ETS1: variants seen among roughly 807,000 people sequenced by gnomAD.
ETS1 encodes ETS proto-oncogene 1, transcription factor.
ETS1 carries 15 observed loss-of-function variants against 58.6 expected under a neutral mutation model. The ratio of observed to expected loss-of-function variants is 0.26; its 90% CI spans 0.17 to 0.39. ETS1 has a LOEUF of 0.39. Among genes scored for constraint, ETS1 ranks in the 10% least tolerant of loss-of-function variants. The pLI, the probability that ETS1 is intolerant of heterozygous loss-of-function variation, is 1.00. For missense variants in ETS1, 417 were observed against 610.5 expected (o/e 0.68, Z 3.34); for synonymous variants, 214 against 218.2 (o/e 0.98, Z 0.17).
rs1309973155 is a variant in ETS1 at position 128,459,774 on chromosome 11, T to C, written c.*2587A>G. On this transcript the variant is annotated 3_prime_UTR_variant, in exon 10 of 10. Transcript: ENST00000392668. Reference sequence around the variant, plus strand: ...CACTATCTACAAATCTTGAAAATGGTGGACTTAGAGAGAAAGGGAATTTTA... The same window carrying C: ...CACTATCTACAAATCTTGAAAATGGCGGACTTAGAGAGAAAGGGAATTTTA... 6.6e-6 allele frequency: 1 copy of C among 152,620 alleles called. No individual in the cohort carries two copies. Among genetic ancestry groups the C allele is most frequent in the East Asian group, 1.9e-4 (1 of 5,324 alleles). 9.5% of individuals were successfully genotyped at this position (152,620 alleles called of 1,614,324 possible). A position where few individuals can be genotyped will look rare whatever the true frequency, so the allele number is the denominator to read the frequency against.
In ETS1 at chr11:128,561,542, A is replaced by T. The variant is rs188185448; in HGVS notation, c.70-5107T>A. On this transcript the variant is annotated intron_variant, in intron 2 of 9. Coordinates refer to ENST00000392668, the MANE Select transcript of ETS1 (RefSeq NM_001143820.2). The stretch of plus-strand genomic sequence containing the variant: ...CCCATGTGGATGCCTCACTCACCTC[A>T]CTGTAGTCCAGTTCTGAAGAAAGAG... Among the ~76,000 whole-genome samples, 778 of 152,342 alleles carry T rather than the reference A, an allele frequency of 5.1e-3. 3 individuals carry two copies. The highest frequency in any genetic ancestry group is 0.024 in the Middle Eastern group (7 of 294).
chr11:128,489,062 T>C (rs1862720559), intron 5 of ETS1, among the ~76,000 whole-genome samples: 1 of 152,148 alleles, frequency 6.6e-6, no homozygotes, highest in Non-Finnish European at 1.5e-5. Flanking sequence ...GGTACAATCT[T>C]GCTGAAGATT....
chr11:128,551,047 T>C lies in ETS1; in HGVS notation c.214+5244A>G, dbSNP rs150138190. Reference sequence around the variant, plus strand: ...TACAACATCCCTAAAGCACACACACTCTCAGGACCGTTCTGTTCTGAAGAA... The same window carrying C: ...TACAACATCCCTAAAGCACACACACCCTCAGGACCGTTCTGTTCTGAAGAA... On this transcript the variant is annotated intron_variant, in intron 3 of 9. Coordinates refer to ENST00000392668, the MANE Select transcript of ETS1 (RefSeq NM_001143820.2). 2.1e-3 allele frequency among the ~76,000 whole-genome samples: 321 copies of C among 152,262 alleles called. 2 individuals carry two copies. The highest frequency in any genetic ancestry group is 7.3e-3 in the African/African-American group (305 of 41,538).
chr11:128,575,533 A>G (rs1469503728), intron 1 of ETS1, among the ~76,000 whole-genome samples: 1 of 152,232 alleles, frequency 6.6e-6, no homozygotes, highest in Admixed American at 6.5e-5. Context: ...GGTCCTGGGC[A>G]CTTGAAACAC....
chr11:128,480,324 G>C lies in ETS1; in HGVS notation c.990C>G (p.Phe330Leu), dbSNP rs145206378. The change falls in exon 8 of 10, where the codon TTC becomes TTG. Residue 330 changes from phenylalanine (F) to leucine (L), a missense_variant. This residue lies in a region of ETS1 where 139 missense variants were observed against 152.1 expected (regional missense o/e 0.91). Transcript: ENST00000392668. ...SLQRVPSYDS[F>L]DSEDYPAALP... ...GGGCAGCCGGATAGTCCTCTGAGTC[G>C]AAGCTGTCATAGGAGGGAACACGCT... 1 of 1,614,122 alleles carries C rather than the reference G, an allele frequency of 6.2e-7. No individual in the cohort carries two copies. Among genetic ancestry groups the C allele is most frequent in the Admixed American group, 1.7e-5 (1 of 60,018 alleles).
At chr11:128,584,811 T>C (rs1293249312) in intron 1 of ETS1, among the ~76,000 whole-genome samples, 7 of 147,668 alleles carry the variant, frequency 4.7e-5, no homozygotes, top group African/African-American at 1.8e-4. Context: ...TTTGCTCAAA[T>C]GCTAAATACT....
Position 128,571,272 on chromosome 11 carries a change from C to T in ETS1, c.69+1790G>A, listed in dbSNP as rs369430888. ...TCTACTAAAAATATAAAAAATTAGCCAGGCGTGGTGGCGGGCGCCTGTAGT... is the reference window on the plus strand; with the variant it reads ...TCTACTAAAAATATAAAAAATTAGCTAGGCGTGGTGGCGGGCGCCTGTAGT... On this transcript the variant is annotated intron_variant, in intron 2 of 9. Transcript: ENST00000392668. Among the ~76,000 whole-genome samples the T allele has an allele frequency of 1.3e-3, 192 of 151,972 alleles. 3 individuals are homozygous for T. Among genetic ancestry groups the T allele is most frequent in the South Asian group, 6.0e-3 (29 of 4,814 alleles).
chr11:128,540,184 G>T (rs1334197795), intron 3 of ETS1, among the ~76,000 whole-genome samples: 2 of 151,932 alleles, frequency 1.3e-5, no homozygotes, highest in East Asian at 3.9e-4. Context: ...GTGGTGGCAG[G>T]CGCCTGTTAT....
At chr11:128,478,643 GC>G (rs1862400767) in intron 8 of ETS1, among the ~76,000 whole-genome samples, 1 of 152,134 alleles carries the variant, frequency 6.6e-6, no homozygotes, top group Non-Finnish European at 1.5e-5. Flanking sequence ...AGCTACCTCT[GC>G]CTTTCCTTTC....
chr11:128,465,030 A>C (rs1274443366), intron 8 of ETS1, among the ~76,000 whole-genome samples: 1 of 152,162 alleles, frequency 6.6e-6, no homozygotes, highest in Non-Finnish European at 1.5e-5. Context: ...TCTAGTACCC[A>C]GGCCTTTAGA....
intron 2 of ETS1, among the ~76,000 whole-genome samples, chr11:128,559,140 A>G (rs972056099): frequency 1.2e-4 from 19 of 152,196 alleles, no homozygotes; most frequent in Non-Finnish European, 2.9e-5. Context: ...GTAGTTTGTT[A>G]CAGGCCCTGC....
At chr11:128,502,916 CG>C (rs1200526057) in intron 3 of ETS1, among the ~76,000 whole-genome samples, 1 of 152,178 alleles carries the variant, frequency 6.6e-6, no homozygotes, top group East Asian at 1.9e-4. Flanking sequence ...GAGTTTCCAC[CG>C]ACAGCCCTTA....
chr11:128,474,611 T>C (rs1338910356), intron 8 of ETS1, among the ~76,000 whole-genome samples: 2 of 152,114 alleles, frequency 1.3e-5, no homozygotes, highest in African/African-American at 4.8e-5. Flanking sequence ...GTCAATCACA[T>C]AACTGAGCAG....
intron 3 of ETS1, among the ~76,000 whole-genome samples, chr11:128,537,176 A>G (rs551489185): frequency 6.6e-6 from 1 of 152,254 alleles, no homozygotes; most frequent in South Asian, 2.1e-4. Flanking sequence ...AATCACTTTC[A>G]CCTACCAAAG....
chr11:128,581,497 A>G (rs1261122972), intron 1 of ETS1, among the ~76,000 whole-genome samples: 1 of 152,228 alleles, frequency 6.6e-6, no homozygotes, highest in Non-Finnish European at 1.5e-5. Flanking sequence ...AGCCAGAAGC[A>G]TGGTAAGTAC....
rs1252353435 is a variant in ETS1, at chr11:128,462,061, T to C, written c.*300A>G. The stretch of plus-strand genomic sequence containing the variant: ...TTTCATGGATGATTTTTAAAAATGA[T>C]TGGACACATTAGTCTCTTTCTCTGT... On this transcript the variant is annotated 3_prime_UTR_variant, in exon 10 of 10. Transcript: ENST00000392668. The C allele has an allele frequency of 4.6e-5, 15 of 324,634 alleles. No homozygotes were observed. The highest frequency in any genetic ancestry group is 7.4e-5 in the Non-Finnish European group (13 of 174,624). The allele number at this position is 324,634 out of a possible 1,614,324, so 20.1% of individuals were successfully genotyped here.
intron 3 of ETS1, among the ~76,000 whole-genome samples, chr11:128,552,978 T>A (rs1591658341): frequency 6.6e-6 from 1 of 151,936 alleles, no homozygotes; most frequent in South Asian, 2.1e-4. Context: ...AGGGCTGAGG[T>A]TGAGGGACAG....
chr11:128,562,469 C>T (rs1410281333), intron 2 of ETS1, among the ~76,000 whole-genome samples: 2 of 152,078 alleles, frequency 1.3e-5, no homozygotes, highest in African/African-American at 4.8e-5. Context: ...AGGGATTCCC[C>T]TGGGCATCTT....
intron 7 of ETS1, among the ~76,000 whole-genome samples, chr11:128,482,302 A>G (rs1190985835): frequency 2.0e-5 from 3 of 152,202 alleles, no homozygotes; most frequent in African/African-American, 7.2e-5. Flanking sequence ...GTATTTGTTC[A>G]TACCAGCTAC....
Sources: gnomAD v4.1 joint callset for allele counts (sites outside exome capture counted in the v4.1 genomes callset) on GRCh38, gnomAD v4.1.1 for gene constraint, gnomAD v4.1.1 regional missense constraint, MANE v1.5 for transcripts, NCBI Gene and HGNC (gene_info 2026-07-23, HGNC 2026-07-21) for gene names.